FGF14: variants seen among roughly 807,000 people sequenced by gnomAD.
The protein encoded by FGF14 is fibroblast growth factor 14.
Under a neutral mutation model 25.5 loss-of-function variants are expected in FGF14, and 5 were observed. That is an observed-to-expected ratio of 0.20 (90% CI 0.10 to 0.41). The LOEUF (loss-of-function observed/expected upper bound fraction) is 0.41, where lower values mean the gene tolerates loss of function less well. Ranked by LOEUF, FGF14 falls within the 10% of genes least tolerant of loss-of-function variation. The pLI is 1.00. For missense variants in FGF14, 222 were observed against 320.1 expected (o/e 0.69, Z 2.34); for synonymous variants, 138 against 118.3 (o/e 1.17, Z -1.08).
At chr13:102,266,773 C>T (rs1348542435) in intron 1 of FGF14, among the ~76,000 whole-genome samples, 1 of 151,996 alleles carries the variant, frequency 6.6e-6, no homozygotes, top group East Asian at 1.9e-4. Flanking sequence ...CAGATGAAAA[C>T]TACACTTGAG....
chr13:101,923,432 A>G (rs999515193), intron 1 of FGF14, among the ~76,000 whole-genome samples: 14 of 152,074 alleles, frequency 9.2e-5, no homozygotes, highest in Non-Finnish European at 1.9e-4. Flanking sequence ...ACTTCCGGAA[A>G]AGTAATCGAT....
rs150207086 is a variant in FGF14, at chr13:102,126,654, A to T, written c.209-251358T>A. ...AAACTGTAAAATTGTTTTAAAACAT[A>T]TTTGCAACCATACTTCAATTTTATA... On this transcript the variant is annotated intron_variant, in intron 1 of 4. Coordinates refer to the FGF14 transcript ENST00000376131. Among the ~76,000 whole-genome samples the T allele has an allele frequency of 5.6e-4, 86 of 152,338 alleles. 1 individual carries two copies. Among genetic ancestry groups the T allele is most frequent in the African/African-American group, 1.9e-3 (80 of 41,574 alleles).
At chr13:101,744,854 C>T (rs1232406980) in intron 3 of FGF14, among the ~76,000 whole-genome samples, 1 of 152,042 alleles carries the variant, frequency 6.6e-6, no homozygotes, top group Non-Finnish European at 1.5e-5. Flanking sequence ...TTGTGCTAGA[C>T]TCTCTTCTAG....
intron 1 of FGF14, among the ~76,000 whole-genome samples, chr13:101,945,420 C>T (rs1178719417): frequency 6.6e-6 from 1 of 152,160 alleles, no homozygotes; most frequent in African/African-American, 2.4e-5. Context: ...ACACGTAAGT[C>T]TTCACTTGCT....
At chr13:102,060,602 A>C (rs556341120) in intron 1 of FGF14, among the ~76,000 whole-genome samples, 119 of 152,332 alleles carry the variant, frequency 7.8e-4, no homozygotes, top group African/African-American at 2.6e-3. Flanking sequence ...AGCTATCCTC[A>C]ATGTTTTTTA....
At chr13:101,965,430 ATGT>A (rs926716123) in intron 1 of FGF14, among the ~76,000 whole-genome samples, 21 of 152,142 alleles carry the variant, frequency 1.4e-4, no homozygotes, top group African/African-American at 3.9e-4. Flanking sequence ...AAAAATTTAA[ATGT>A]TGTCAAATTT....
intron 1 of FGF14, among the ~76,000 whole-genome samples, chr13:102,153,201 GAACT>G (rs1390274237): frequency 2.0e-5 from 3 of 152,164 alleles, no homozygotes; most frequent in African/African-American, 7.2e-5. Flanking sequence ...ATAGACAACA[GAACT>G]AACTGCCAAG....
At chr13:101,827,588 T>G (rs1012938408) in intron 3 of FGF14, among the ~76,000 whole-genome samples, 2 of 152,016 alleles carry the variant, frequency 1.3e-5, no homozygotes, top group Middle Eastern at 3.6e-3. Context: ...TGAAAGTATG[T>G]GCTAAAATTC....
At chr13:102,173,234 A>G (rs2048318273) in intron 1 of FGF14, among the ~76,000 whole-genome samples, 1 of 152,198 alleles carries the variant, frequency 6.6e-6, no homozygotes, top group Non-Finnish European at 1.5e-5. Flanking sequence ...ACACATGAAA[A>G]GGTGCTCAAT....
At chr13:101,922,397 G>A (rs1263562409) in intron 1 of FGF14, among the ~76,000 whole-genome samples, 3 of 152,036 alleles carry the variant, frequency 2.0e-5, no homozygotes, top group South Asian at 2.1e-4. Flanking sequence ...TGACACCCTC[G>A]GGGCTTACTG....
chr13:102,092,175 T>C (rs1404192946), intron 1 of FGF14, among the ~76,000 whole-genome samples: 1 of 152,190 alleles, frequency 6.6e-6, no homozygotes, highest in African/African-American at 2.4e-5. Flanking sequence ...CTGCCCTGAT[T>C]TGTAGTGCAG....
rs561259030 is a variant in FGF14, at chr13:101,967,920, G to A, written c.209-92624C>T. On this transcript the variant is annotated intron_variant, in intron 1 of 4. Transcript: ENST00000376131. ...TAAAATGGGGTGATGGCTTGGACAT[G>A]CTGGTAACAGAGGTAACATTTTCTA... is the stretch of plus-strand genomic sequence containing the variant. Among the ~76,000 whole-genome samples, 5 of 152,308 alleles carry A rather than the reference G, an allele frequency of 3.3e-5. No individual in the cohort carries two copies. The East Asian group carries it at 9.6e-4, about 29-fold the overall frequency.
At chr13:102,153,323 A>G (rs9557817) in intron 1 of FGF14, among the ~76,000 whole-genome samples, 9,996 of 152,262 alleles carry the variant, frequency 0.066, 947 homozygotes, top group East Asian at 0.5. Context: ...AATAAAGATG[A>G]TGGCAATTGA....
chr13:102,306,850 C>T (rs778512181), intron 1 of FGF14, among the ~76,000 whole-genome samples: 4 of 152,050 alleles, frequency 2.6e-5, no homozygotes, highest in South Asian at 4.1e-4. Flanking sequence ...CTTGTATGCA[C>T]AATAAAGACC....
intron 1 of FGF14, among the ~76,000 whole-genome samples, chr13:102,067,819 C>T (rs376053241): frequency 1.3e-5 from 2 of 151,878 alleles, no homozygotes; most frequent in African/African-American, 4.8e-5. Context: ...TTATAGAATA[C>T]CAAACAGATT....
intron 1 of FGF14, among the ~76,000 whole-genome samples, chr13:102,401,188 A>C (rs2058695932): frequency 6.6e-6 from 1 of 151,418 alleles, no homozygotes. Context: ...CTATTCCACC[A>C]AACATAGGCA....
intron 3 of FGF14, among the ~76,000 whole-genome samples, chr13:101,794,292 C>G (rs558408884): frequency 6.6e-6 from 1 of 152,198 alleles, no homozygotes; most frequent in Admixed American, 6.6e-5. Context: ...GCAGTCAGCT[C>G]TCTTTCTCTA....
At chr13:102,161,240 AAG>A (rs1451480609) in intron 1 of FGF14, among the ~76,000 whole-genome samples, 3 of 152,164 alleles carry the variant, frequency 2.0e-5, no homozygotes, top group East Asian at 3.9e-4. Context: ...AGGAGAAAGA[AAG>A]AGAGGAAAAA....
chr13:102,151,284 A>G (rs1368639292), intron 1 of FGF14, among the ~76,000 whole-genome samples: 2 of 152,136 alleles, frequency 1.3e-5, no homozygotes, highest in African/African-American at 4.8e-5. Context: ...GCTGTGTGCC[A>G]TGTTGATTAT....
Sources: allele counts gnomAD v4.1 joint callset (sites outside exome capture counted in the v4.1 genomes callset), GRCh38; gene constraint gnomAD v4.1.1; transcripts MANE v1.5; gene names NCBI Gene and HGNC (gene_info 2026-07-23, HGNC 2026-07-21).